Variants in AGBL1 observed in about 807,000 individuals in gnomAD.
AGBL1 encodes the protein cytosolic carboxypeptidase 4.
Under a neutral mutation model 118.9 loss-of-function variants are expected in AGBL1, and 130 were observed. The ratio of observed to expected loss-of-function variants is 1.09; its 90% CI spans 0.95 to 1.26. AGBL1 has a LOEUF of 1.26. Among genes scored for constraint, AGBL1 ranks in the 50% most tolerant of loss-of-function variants. The pLI, the probability that AGBL1 is intolerant of heterozygous loss-of-function variation, is 0.00. For missense variants in AGBL1, 1,584 were observed against 1,298.1 expected (o/e 1.22, Z -3.38); for synonymous variants, 555 against 478.9 (o/e 1.16, Z -2.08).
At position 86,674,328 on chromosome 15, in the gene AGBL1, G is replaced by A. The variant is rs776296309; in HGVS notation, c.3050G>A (p.Gly1017Asp). The A allele has an allele frequency of 6.2e-6, 10 of 1,612,044 alleles. No individual in the cohort carries two copies. The highest frequency in any genetic ancestry group is 8.5e-6 in the Non-Finnish European group (10 of 1,179,144). ...LEEMGAMFCL[G>D]LLILELKSAS... ...GAGATGGGAGCCATGTTCTGTTTGGGCCTCCTCATCCTGGAGCTCAAATCT... is the reference window on the plus strand; with the variant it reads ...GAGATGGGAGCCATGTTCTGTTTGGACCTCCTCATCCTGGAGCTCAAATCT... Residue 1017 changes from glycine to aspartate, a missense_variant, in exon 22 of 23, where the codon GGC (glycine) becomes GAC (aspartate). By Grantham distance (94) the Gly-to-Asp change is moderately conservative (BLOSUM62 -1). Coordinates refer to ENST00000614907, the MANE Select transcript of AGBL1 (RefSeq NM_001386094.1).
intron 21 of AGBL1, among the ~76,000 whole-genome samples, chr15:86,650,397 C>T (rs992425279): frequency 6.6e-6 from 1 of 152,160 alleles, no homozygotes; most frequent in Non-Finnish European, 1.5e-5. Context: ...GAATCTATGT[C>T]TCTGACACTA....
At chr15:86,816,103 C>T (rs569710886) in intron 22 of AGBL1, among the ~76,000 whole-genome samples, 15 of 152,126 alleles carry the variant, frequency 9.9e-5, no homozygotes, top group South Asian at 8.3e-4. Flanking sequence ...CAGTTAAAAC[C>T]GTAAAAAGAA....
intron 23 of AGBL1, chr15:86,935,326 T>C (rs1414929763): frequency 1.3e-5 from 2 of 152,198 alleles, no homozygotes; most frequent in Non-Finnish European, 2.9e-5. Context: ...GTTATACATG[T>C]GACATTAAAA....
At chr15:86,431,577 A>C (rs1015395566) in intron 18 of AGBL1, among the ~76,000 whole-genome samples, 6 of 152,252 alleles carry the variant, frequency 3.9e-5, no homozygotes, top group African/African-American at 1.4e-4. Flanking sequence ...TCTGTAACTT[A>C]GACTGACTTT....
chr15:86,812,057 T>G (rs2078797793), intron 22 of AGBL1, among the ~76,000 whole-genome samples: 1 of 152,126 alleles, frequency 6.6e-6, no homozygotes, highest in South Asian at 2.1e-4. Context: ...ATGGTTTGGG[T>G]TGTAATGTGT....
intron 22 of AGBL1, among the ~76,000 whole-genome samples, chr15:86,873,274 G>T (rs1032891238): frequency 6.6e-6 from 1 of 152,032 alleles, no homozygotes; most frequent in South Asian, 2.1e-4. Flanking sequence ...TCCCTGCTGA[G>T]CCAGATGAGT....
At chr15:86,130,440 T>A (rs2076804927) in intron 1 of AGBL1, among the ~76,000 whole-genome samples, 1 of 152,164 alleles carries the variant, frequency 6.6e-6, no homozygotes, top group African/African-American at 2.4e-5. Flanking sequence ...GTCTTCTTAT[T>A]TTCTTAATTG....
intron 17 of AGBL1, among the ~76,000 whole-genome samples, chr15:86,302,629 AT>A (rs111951212): frequency 3.3e-5 from 5 of 152,080 alleles, no homozygotes; most frequent in African/African-American, 1.2e-4. Context: ...ATACAAAAAA[AT>A]GAGCCGAATG....
intron 7 of AGBL1, among the ~76,000 whole-genome samples, chr15:86,253,741 TGTA>T (rs1328232402): frequency 1.3e-5 from 2 of 152,182 alleles, no homozygotes; most frequent in African/African-American, 2.4e-5. Flanking sequence ...TTAAATTAAT[TGTA>T]GTAAAATACA....
intron 15 of AGBL1, 81 bp downstream of exon 15, chr15:86,271,787 A>G (rs1661639573): frequency 3.1e-6 from 4 of 1,300,292 alleles, no homozygotes; most frequent in South Asian, 2.4e-5. Context: ...TTGATCTTAT[A>G]AACATCAGCA....
intron 1 of AGBL1, among the ~76,000 whole-genome samples, chr15:86,106,545 G>A (rs997350149): frequency 1.3e-5 from 2 of 152,198 alleles, no homozygotes; most frequent in African/African-American, 4.8e-5. Context: ...TTTCATAATG[G>A]CGAGGGATGC....
intron 22 of AGBL1, among the ~76,000 whole-genome samples, chr15:86,732,833 T>C (rs982548650): frequency 1.3e-5 from 2 of 151,602 alleles, no homozygotes; most frequent in South Asian, 2.1e-4. Context: ...TTAGAAGATA[T>C]ATTAGGGTTC....
At chr15:86,454,415 C>G (rs889331435) in intron 18 of AGBL1, among the ~76,000 whole-genome samples, 1 of 152,156 alleles carries the variant, frequency 6.6e-6, no homozygotes, top group Non-Finnish European at 1.5e-5. Flanking sequence ...ATTCCACTGT[C>G]TCCCCAAGAG....
At position 86,967,674 on chromosome 15, in the gene AGBL1, CA is replaced by C. The variant is rs571022458; in HGVS notation, c.3222-20312del. ...TATTTCTGAGGGTTCTATTCTGTTC[CA>C]TTGTTCTATATCTCTGTTTTGGTAC... On this transcript the variant is annotated intron_variant, in intron 23 of 24. Transcript: ENST00000441037. Among the ~76,000 whole-genome samples the C allele has an allele frequency of 8.2e-4, 125 of 152,130 alleles. 1 individual carries two copies. Among genetic ancestry groups the C allele is most frequent in the Middle Eastern group, 3.4e-3 (1 of 294 alleles).
chr15:86,928,936 T>C (rs1048391720), intron 23 of AGBL1, among the ~76,000 whole-genome samples: 2 of 152,210 alleles, frequency 1.3e-5, no homozygotes, highest in African/African-American at 4.8e-5. Flanking sequence ...CCATTTAAAA[T>C]GTACAATTTA....
At chr15:86,119,545 C>T (rs754653597) in intron 1 of AGBL1, among the ~76,000 whole-genome samples, 1 of 152,078 alleles carries the variant, frequency 6.6e-6, no homozygotes, top group Non-Finnish European at 1.5e-5. Flanking sequence ...GATCTGCCCC[C>T]CCGGACCCAT....
intron 22 of AGBL1, among the ~76,000 whole-genome samples, chr15:86,807,674 C>T (rs2078737122): frequency 6.6e-6 from 1 of 152,016 alleles, no homozygotes; most frequent in Non-Finnish European, 1.5e-5. Flanking sequence ...GCCCAGTTTC[C>T]TAAGAATGAG....
Position 86,091,549 on chromosome 15 carries a change from G to A in AGBL1, c.51+11526G>A, listed in dbSNP as rs527511885. Among the ~76,000 whole-genome samples the A allele has an allele frequency of 5.1e-4, 78 of 152,276 alleles. No individual in the cohort carries two copies. The Middle Eastern group carries it at 0.024, about 46-fold the overall frequency. On this transcript the variant is annotated intron_variant, in intron 1 of 22. Coordinates refer to ENST00000614907, the MANE Select transcript of AGBL1 (RefSeq NM_001386094.1). The stretch of plus-strand genomic sequence containing the variant: ...AAGTTATCAATTCATACACTGCAAG[G>A]CAGTGAGTCATAAGTTTTTGTTTTT...
chr15:86,258,415 T>C (rs1384798488), intron 9 of AGBL1, among the ~76,000 whole-genome samples: 1 of 152,194 alleles, frequency 6.6e-6, no homozygotes, highest in Non-Finnish European at 1.5e-5. Flanking sequence ...TCTTATCCTT[T>C]CTGCACAGGG....
Sources: allele counts gnomAD v4.1 joint callset (sites outside exome capture counted in the v4.1 genomes callset), GRCh38; gene constraint gnomAD v4.1.1; transcripts MANE v1.5; gene names NCBI Gene and HGNC (gene_info 2026-07-23, HGNC 2026-07-21).